RBFOX3: variants seen among roughly 807,000 people sequenced by gnomAD.
The protein encoded by RBFOX3 is RNA binding protein fox-1 homolog 3.
RBFOX3 carries 17 observed loss-of-function variants against 48.7 expected under a neutral mutation model. The ratio of observed to expected loss-of-function variants is 0.35; its 90% confidence interval spans 0.24 to 0.52. RBFOX3 has a LOEUF of 0.52. Ranked by LOEUF, RBFOX3 falls within the 20% of genes least tolerant of loss-of-function variation. The pLI is 0.94. For missense variants in RBFOX3, 382 were observed against 497.5 expected, an observed-to-expected ratio of 0.77 and a Z score of 2.21; for synonymous variants, 212 against 209.5, an observed-to-expected ratio of 1.01 and a Z score of -0.10.
At position 79,311,396 on chromosome 17, in the gene RBFOX3, G is replaced by GCA. The variant is rs2076831737; in HGVS notation, c.-174-3574_-174-3573dup. On this transcript the variant is annotated intron_variant, in intron 2 of 14. Coordinates refer to ENST00000693108, the MANE Select transcript of RBFOX3 (RefSeq NM_001350451.2). This position sits in a 1 kb window ranked among gnomAD's most constrained non-coding sequence, Gnocchi z 4.2. ...TGCAGTGAGCCAAGATCACACCATT[G>GCA]CACTCCAGCCTGGGTAAGAAGAGCG... Among the ~76,000 whole-genome samples, 1 of 138,162 alleles carries GCA rather than the reference G, an allele frequency of 7.2e-6. No individual in the cohort carries two copies. Among genetic ancestry groups the GCA allele is most frequent in the Non-Finnish European group, 1.5e-5 (1 of 65,898 alleles). The allele number at this position is 138,162 out of a possible 152,430, so 90.6% of individuals were successfully genotyped here.
intron 4 of RBFOX3, among the ~76,000 whole-genome samples, chr17:79,144,589 C>T (rs1276100110): frequency 2.0e-5 from 3 of 152,188 alleles, no homozygotes; most frequent in African/African-American, 7.2e-5. Flanking sequence ...ATGCCGCAGA[C>T]CTGAAGCCAA....
intron 4 of RBFOX3, chr17:79,235,512 C>T (rs1433594838): frequency 2.0e-5 from 3 of 153,040 alleles, no homozygotes; most frequent in African/African-American, 7.2e-5. Context: ...ATCCATTTCC[C>T]TTTCAGCCCC....
At chr17:79,376,498 A>AAC (rs1211834925) in intron 2 of RBFOX3, among the ~76,000 whole-genome samples, 1 of 152,174 alleles carries the variant, frequency 6.6e-6, no homozygotes, top group Non-Finnish European at 1.5e-5. Context: ...CCCACCCCAA[A>AAC]ACACACACAG....
chr17:79,323,859 T>A (rs371612233), intron 2 of RBFOX3, among the ~76,000 whole-genome samples: 4 of 152,204 alleles, frequency 2.6e-5, no homozygotes, highest in East Asian at 3.9e-4. Context: ...GGAGACCAAT[T>A]GTTTGGGCAG....
intron 14 of RBFOX3, chr17:79,092,687 G>T: frequency 2.2e-6 from 2 of 917,806 alleles, no homozygotes; most frequent in Non-Finnish European, 2.6e-6. Context: ...CCGTCTTTTG[G>T]AAGAGGGGAA....
At chr17:79,409,389 G>A (rs1250340875) in intron 2 of RBFOX3, among the ~76,000 whole-genome samples, 1 of 152,210 alleles carries the variant, frequency 6.6e-6, no homozygotes, top group African/African-American at 2.4e-5. Flanking sequence ...CGGGTTGTGT[G>A]ATAGTTCCAT....
intron 2 of RBFOX3, among the ~76,000 whole-genome samples, chr17:79,321,686 C>T (rs972925285): frequency 6.9e-6 from 1 of 145,906 alleles, no homozygotes; most frequent in Non-Finnish European, 1.5e-5. Flanking sequence ...AATTGCGAGC[C>T]GGGCTTTCAG....
In RBFOX3 at chr17:79,188,401, GTTTA is replaced by G. The variant is rs948366113; in HGVS notation, c.-34+47361_-34+47364del. On this transcript the variant is annotated intron_variant, in intron 4 of 14. Transcript: ENST00000693108. The stretch of plus-strand genomic sequence containing the variant: ...AAGTAAAAATCGGCGTGCAAAGGAA[GTTTA>G]TTTATCTGTTTAATTAAGAGGCGTT... Among the ~76,000 whole-genome samples the G allele has an allele frequency of 7.0e-4, 107 of 152,252 alleles. 1 individual carries two copies. The highest frequency in any genetic ancestry group is 1.3e-3 in the Non-Finnish European group (90 of 68,046).
chr17:79,404,679 A>C (rs2063320605), intron 2 of RBFOX3, among the ~76,000 whole-genome samples: 1 of 150,716 alleles, frequency 6.6e-6, no homozygotes, highest in South Asian at 2.1e-4. Flanking sequence ...CCCTCAAATC[A>C]CTCACTGGGC....
At chr17:79,303,620 C>T (rs959200501) in intron 3 of RBFOX3, among the ~76,000 whole-genome samples, 9 of 152,144 alleles carry the variant, frequency 5.9e-5, no homozygotes, top group African/African-American at 9.7e-5. Context: ...GACTCATCAA[C>T]ATCTATTTCC....
chr17:79,407,354 A>G (rs1460611678), intron 2 of RBFOX3, among the ~76,000 whole-genome samples: 1 of 152,238 alleles, frequency 6.6e-6, no homozygotes, highest in African/African-American at 2.4e-5. Context: ...CTCACAAATG[A>G]ACAAATAAAT....
In RBFOX3 at chr17:79,576,982, GC is replaced by G. The variant is rs1599199901; in HGVS notation, c.-320+33843del. On this transcript the variant is annotated intron_variant, in intron 1 of 14. Coordinates refer to ENST00000693108, the MANE Select transcript of RBFOX3 (RefSeq NM_001350451.2). ...TATCTTAAAAATGGGGTTCCCGAGA[GC>G]CCCAAAACCCAGACCCCAAAGACCT... Among the ~76,000 whole-genome samples the G allele has an allele frequency of 2.0e-5, 3 of 152,174 alleles. 1 individual carries two copies. Among genetic ancestry groups the G allele is most frequent in the Admixed American group, 6.5e-5 (1 of 15,284 alleles).
At chr17:79,094,672 G>T (rs2074795953) in intron 13 of RBFOX3, 143 bp from the exon 14 acceptor site, 4 of 500,848 alleles carry the variant, frequency 8.0e-6, no homozygotes, top group Non-Finnish European at 1.4e-5. Context: ...CTCCCCTCCT[G>T]CAAGGCCTGC....
chr17:79,090,728 C>G lies in RBFOX3; in HGVS notation c.*155G>C. ...CCTCGGTGCGGGCGTGTGGCCAGGA[C>G]GCGGGACTTGGACTTGGTTGGATGC... On this transcript the variant is annotated 3_prime_UTR_variant, in exon 15 of 15. Coordinates refer to ENST00000693108, the MANE Select transcript of RBFOX3 (RefSeq NM_001350451.2). The G allele has an allele frequency of 1.1e-6, 1 of 950,544 alleles. No homozygotes were observed. Among genetic ancestry groups the G allele is most frequent in the Non-Finnish European group, 1.5e-6 (1 of 647,042 alleles). 58.9% of individuals were successfully genotyped at this position (950,544 alleles called of 1,614,324 possible).
At chr17:79,352,590 A>T (rs550474372) in intron 2 of RBFOX3, among the ~76,000 whole-genome samples, 1 of 152,282 alleles carries the variant, frequency 6.6e-6, no homozygotes, top group African/African-American at 2.4e-5. Context: ...CACATCCCCA[A>T]CTTACCTCTT....
At chr17:79,619,072 T>C in the RBFOX3 span, among the ~76,000 whole-genome samples, 1 of 152,348 alleles carries the variant, frequency 6.6e-6, no homozygotes, top group South Asian at 2.1e-4. Context: ...ACGTTGGCTA[T>C]AAGCATCAAA....
At chr17:79,506,267 G>A (rs2083102724) in intron 1 of RBFOX3, among the ~76,000 whole-genome samples, 1 of 152,192 alleles carries the variant, frequency 6.6e-6, no homozygotes, top group Admixed American at 6.5e-5. Flanking sequence ...CAGAAGGGGT[G>A]GGGAGGGACT....
chr17:79,157,896 T>C (rs987428965), intron 4 of RBFOX3, among the ~76,000 whole-genome samples: 2 of 152,152 alleles, frequency 1.3e-5, no homozygotes, highest in African/African-American at 4.8e-5. Context: ...CAAGCTAGGA[T>C]GGGGCTAGAC....
intron 1 of RBFOX3, among the ~76,000 whole-genome samples, chr17:79,545,269 T>C (rs2143110431): frequency 6.6e-6 from 1 of 152,222 alleles, no homozygotes; most frequent in Middle Eastern, 3.4e-3. Context: ...GCCCTCTCCC[T>C]CGCCCCTGCT....
Sources: allele counts gnomAD v4.1 joint callset (sites outside exome capture counted in the v4.1 genomes callset), GRCh38; gene constraint gnomAD v4.1.1; non-coding constraint Gnocchi (gnomAD v3.1); transcripts MANE v1.5; gene names NCBI Gene and HGNC (gene_info 2026-07-23, HGNC 2026-07-21).